Variants in CATSPERT observed in about 807,000 individuals in gnomAD.
CATSPERT encodes cation channel sperm-associated targeting subunit tau.
At chr2:201,514,514 G>A in the CATSPERT span, among the ~76,000 whole-genome samples, 1 of 152,080 alleles carries the variant, frequency 6.6e-6, no homozygotes, top group African/African-American at 2.4e-5. Flanking sequence ...AGCAAACTAG[G>A]ACTAGAAGAG....
the CATSPERT span, among the ~76,000 whole-genome samples, chr2:201,595,906 CAAAAA>C: frequency 0.16 from 22,016 of 142,014 alleles, 1,754 homozygotes; most frequent in South Asian, 0.26. Flanking sequence ...ACTAAAAACT[CAAAAA>C]AAAAAAAAAA....
At chr2:201,561,392 T>A in the CATSPERT span, among the ~76,000 whole-genome samples, 1 of 151,928 alleles carries the variant, frequency 6.6e-6, no homozygotes, top group African/African-American at 2.4e-5. Context: ...AAAAATAAAA[T>A]CAAAACTCAT....
At chr2:201,492,005 T>G in the CATSPERT span, 1 of 1,536,928 alleles carries the variant, frequency 6.5e-7, no homozygotes, top group Non-Finnish European at 8.7e-7. Context: ...TTGATTAAAC[T>G]TGGTGTTTTA....
At chr2:201,571,013 C>T in the CATSPERT span, among the ~76,000 whole-genome samples, 1 of 152,112 alleles carries the variant, frequency 6.6e-6, no homozygotes, top group African/African-American at 2.4e-5. Flanking sequence ...ATTCCATTGG[C>T]ATCATCATAG....
At chr2:201,495,633 C>A in the CATSPERT span, among the ~76,000 whole-genome samples, 1 of 149,704 alleles carries the variant, frequency 6.7e-6, no homozygotes, top group African/African-American at 2.5e-5. Flanking sequence ...CTTATTGTAA[C>A]TGGTTTTCAA....
At chr2:201,530,858 G>A in the CATSPERT span, among the ~76,000 whole-genome samples, 1 of 151,622 alleles carries the variant, frequency 6.6e-6, no homozygotes, top group East Asian at 1.9e-4. Context: ...ATGACTATGT[G>A]ATTGATTTAA....
chr2:201,579,862 T>TA, the CATSPERT span, among the ~76,000 whole-genome samples: 1 of 151,352 alleles, frequency 6.6e-6, no homozygotes, highest in African/African-American at 2.4e-5. Context: ...TCTTTTTTTT[T>TA]TTTTTTTGAG....
the CATSPERT span, among the ~76,000 whole-genome samples, chr2:201,521,365 C>A: frequency 6.6e-6 from 1 of 151,960 alleles, no homozygotes; most frequent in Non-Finnish European, 1.5e-5. Context: ...AGGAAACTTA[C>A]AATCATGGCA....
At chr2:201,550,972 G>A in the CATSPERT span, 1 of 152,146 alleles carries the variant, frequency 6.6e-6, no homozygotes, top group Admixed American at 6.6e-5. Flanking sequence ...CATAGTGGCT[G>A]CAGCTCTACC....
chr2:201,584,796 G>T, the CATSPERT span, among the ~76,000 whole-genome samples: 1 of 151,346 alleles, frequency 6.6e-6, no homozygotes, highest in Non-Finnish European at 1.5e-5. Flanking sequence ...AAAAAAGAAA[G>T]AAAGAAAGAA....
the CATSPERT span, among the ~76,000 whole-genome samples, chr2:201,502,294 C>T: frequency 1.3e-5 from 2 of 152,150 alleles, no homozygotes; most frequent in African/African-American, 4.8e-5. Flanking sequence ...GAAGTCTGGG[C>T]CGGGTGCAGT....
At chr2:201,508,026 T>G in the CATSPERT span, among the ~76,000 whole-genome samples, 1 of 152,154 alleles carries the variant, frequency 6.6e-6, no homozygotes, top group Non-Finnish European at 1.5e-5. Flanking sequence ...CAAGATGAGA[T>G]TTGGGTGGGA....
chr2:201,605,268 T>C, the CATSPERT span, among the ~76,000 whole-genome samples: 1 of 152,002 alleles, frequency 6.6e-6, no homozygotes, highest in African/African-American at 2.4e-5. Flanking sequence ...AGTTCAACAT[T>C]GAGCACAAAA....
the CATSPERT span, among the ~76,000 whole-genome samples, chr2:201,598,649 T>C: frequency 1.3e-5 from 2 of 152,108 alleles, no homozygotes; most frequent in Non-Finnish European, 2.9e-5. Flanking sequence ...TAGTGCCATG[T>C]TGGCTCACTG....
the CATSPERT span, among the ~76,000 whole-genome samples, chr2:201,516,255 G>A: frequency 6.6e-6 from 1 of 152,186 alleles, no homozygotes; most frequent in Admixed American, 6.5e-5. Flanking sequence ...CAGTGTATTA[G>A]TTTGTTTTCA....
the CATSPERT span, chr2:201,554,255 C>T: frequency 6.6e-6 from 1 of 152,088 alleles, no homozygotes; most frequent in Non-Finnish European, 1.5e-5. Flanking sequence ...TATGCTTTTT[C>T]TTATCCACCA....
At chr2:201,568,564 G>T in the CATSPERT span, among the ~76,000 whole-genome samples, 1 of 152,126 alleles carries the variant, frequency 6.6e-6, no homozygotes, top group Non-Finnish European at 1.5e-5. Flanking sequence ...AGCTGCAATT[G>T]AAGTTGTCAC....
the CATSPERT span, among the ~76,000 whole-genome samples, chr2:201,508,470 A>C: frequency 3.3e-5 from 5 of 152,354 alleles, no homozygotes; most frequent in African/African-American, 1.2e-4. Context: ...TATTGTGGTA[A>C]AAAGCACATA....
At chr2:201,595,969 T>G in the CATSPERT span, among the ~76,000 whole-genome samples, 1 of 149,688 alleles carries the variant, frequency 6.7e-6, no homozygotes, top group South Asian at 2.1e-4. Flanking sequence ...GCTTATACAC[T>G]GTTGGTGGGA....
Sources: gnomAD v4.1 joint callset for allele counts (sites outside exome capture counted in the v4.1 genomes callset) on GRCh38, gnomAD v4.1.1 for gene constraint, MANE v1.5 for transcripts, NCBI Gene and HGNC (gene_info 2026-07-23, HGNC 2026-07-21) for gene names.